The following NSMAF variants were observed in gnomAD, a reference collection of about 807,000 sequenced individuals.
NSMAF encodes protein FAN.
A neutral mutation model predicts 134.9 loss-of-function variants in NSMAF; 90 were observed. That is an observed-to-expected ratio of 0.67 (90% CI 0.56 to 0.79). The LOEUF (loss-of-function observed/expected upper bound fraction) is 0.79. Among genes scored for constraint, NSMAF ranks in the 30% least tolerant of loss-of-function variants. NSMAF has a pLI of 0.00. For missense variants in NSMAF, 1,010 were observed against 1,119.0 expected, an observed-to-expected ratio of 0.90 and a Z score of 1.39; for synonymous variants, 358 against 389.6, an observed-to-expected ratio of 0.92 and a Z score of 0.96.
At chr8:58,590,832 G>A (rs768079474) in intron 24 of NSMAF, 35 bp downstream of exon 24, 23 of 1,528,078 alleles carry the variant, frequency 1.5e-5, no homozygotes, top group South Asian at 1.0e-4. Flanking sequence ...ACTACTACAC[G>A]GATTTCTATC....
At chr8:58,649,300 T>C (rs1029966606) in intron 1 of NSMAF, among the ~76,000 whole-genome samples, 4 of 152,236 alleles carry the variant, frequency 2.6e-5, no homozygotes, top group Non-Finnish European at 5.9e-5. Context: ...ACCCAATGCC[T>C]GTACCACCAT....
At chr8:58,599,671 T>G in intron 18 of NSMAF, 79 bp downstream of exon 18, 1 of 1,478,420 alleles carries the variant, frequency 6.8e-7, no homozygotes, top group Non-Finnish European at 9.2e-7. Flanking sequence ...TTTAAAAATC[T>G]AAGCAATAAA....
At chr8:58,659,450 T>TCCGGCCCCTGCCTCCGTG in intron 1 of NSMAF, 123 bp downstream of exon 1, 1 of 1,484,206 alleles carries the variant, frequency 6.7e-7, no homozygotes, top group Non-Finnish European at 8.9e-7. Flanking sequence ...TGGACACGCG[T>TCCGGCCCCTGCCTCCGTG]CCGGCCCCTG....
At chr8:58,639,741 G>T (rs1221260707) in intron 2 of NSMAF, among the ~76,000 whole-genome samples, 2 of 151,834 alleles carry the variant, frequency 1.3e-5, no homozygotes, top group African/African-American at 4.8e-5. Context: ...AAGAAAATAT[G>T]ATATATATAT....
At chr8:58,604,653 GTACTT>G (rs1404067680) in intron 12 of NSMAF, among the ~76,000 whole-genome samples, 5 of 151,832 alleles carry the variant, frequency 3.3e-5, no homozygotes, top group African/African-American at 1.2e-4. Context: ...AAGGGAAGAT[GTACTT>G]TACTACAAAT....
chr8:58,602,192 C>A, intron 13 of NSMAF, 55 bp from the exon 14 acceptor site: 1 of 1,365,188 alleles, frequency 7.3e-7, no homozygotes, highest in Non-Finnish European at 1.0e-6. Flanking sequence ...CATTAACCTC[C>A]TGAATTAATT....
chr8:58,617,989 G>T (rs1806701225), intron 9 of NSMAF, among the ~76,000 whole-genome samples: 1 of 152,086 alleles, frequency 6.6e-6, no homozygotes, highest in Non-Finnish European at 1.5e-5. Context: ...CCATAAAAAG[G>T]GATGAGTTCA....
Position 58,624,893 on chromosome 8 carries a change from T to C in NSMAF, c.385-1113A>G, listed in dbSNP as rs138006293. ...TGCTATCTATTTCTCCCTTCAGTTC[T>C]ATCAATGTTCGCTTCATATATTTAG... On this transcript the variant is annotated intron_variant, in intron 6 of 30. Transcript: ENST00000038176. 1.9e-3 allele frequency among the ~76,000 whole-genome samples: 294 copies of C among 152,368 alleles called. 1 individual carries two copies. Among genetic ancestry groups the C allele is most frequent in the African/African-American group, 6.9e-3 (287 of 41,588 alleles).
At chr8:58,639,730 A>G (rs927997820) in intron 2 of NSMAF, among the ~76,000 whole-genome samples, 11 of 152,202 alleles carry the variant, frequency 7.2e-5, no homozygotes, top group African/African-American at 2.2e-4. Flanking sequence ...ATTAATGAAT[A>G]AAGAAAATAT....
chr8:58,606,052 A>AAAATAATAAAGT lies in NSMAF; in HGVS notation c.760-18_760-17insACTTTATTATTT. ...TTCCAAGCCCTATAAATTCAAAAAGAAAATAATAAAATAAATAGCATTGTA... is the reference window on the plus strand; with the variant it reads ...TTCCAAGCCCTATAAATTCAAAAAGAAAATAATAAAGTAAATAATAAAATAAATAGCATTGTA... On this transcript the variant is annotated splice_polypyrimidine_tract_variant and intron_variant, in intron 11 of 30. Transcript: ENST00000038176. The AAAATAATAAAGT allele has an allele frequency of 6.7e-7, 1 of 1,485,236 alleles. No homozygotes were observed. 92.0% of individuals were successfully genotyped at this position (1,485,236 alleles called of 1,614,324 possible). A position where few individuals can be genotyped will look rare whatever the true frequency, so the allele number is the denominator to read the frequency against.
rs147897385 is a variant in NSMAF, at chr8:58,617,647, A to G, written c.557+5573T>C. Among the ~76,000 whole-genome samples, 797 of 152,240 alleles carry G rather than the reference A, an allele frequency of 5.2e-3. 9 individuals are homozygous for G. The highest frequency in any genetic ancestry group is 0.018 in the African/African-American group (750 of 41,564). ...TGCCAGTTAGAATGGCAATCATTAA[A>G]AAGTCAGGAAACAACAGATACTGGA... On this transcript the variant is annotated intron_variant, in intron 9 of 30. Transcript: ENST00000038176.
intron 5 of NSMAF, among the ~76,000 whole-genome samples, chr8:58,632,113 C>T (rs1807068020): frequency 6.6e-6 from 1 of 152,134 alleles, no homozygotes; most frequent in Non-Finnish European, 1.5e-5. Flanking sequence ...CCTGAGCTCT[C>T]AAAGTCCAGC....
chr8:58,623,309 TA>T (rs1806834348), intron 8 of NSMAF, 37 bp from the exon 9 acceptor site: 1 of 1,336,122 alleles, frequency 7.5e-7, no homozygotes, highest in Non-Finnish European at 1.0e-6. Context: ...TATTTATAAG[TA>T]TTTATAAGTA....
chr8:58,586,358 T>C, intron 28 of NSMAF, 100 bp downstream of exon 28: 1 of 1,227,640 alleles, frequency 8.1e-7, no homozygotes, highest in African/African-American at 1.6e-5. Flanking sequence ...ATAGTGTTTT[T>C]CTTTGTAAGT....
At position 58,588,700 on chromosome 8, in the gene NSMAF, C is replaced by T. The variant is rs199910505; in HGVS notation, c.2211+752G>A. ...CATGCATCGGGCACAGTTAGTGCAG[C>T]GAATAGGCTGCACGTGGCCGCGGCC... On this transcript the variant is annotated intron_variant, in intron 26 of 30. Coordinates refer to ENST00000038176, the MANE Select transcript of NSMAF (RefSeq NM_003580.4). The T allele has an allele frequency of 6.0e-4, 924 of 1,544,190 alleles. 6 individuals carry two copies. The African/African-American group carries it at 8.4e-3, about 14-fold the overall frequency.
At chr8:58,641,823 C>T (rs963091477) in intron 2 of NSMAF, among the ~76,000 whole-genome samples, 39 of 152,190 alleles carry the variant, frequency 2.6e-4, no homozygotes, top group African/African-American at 9.2e-4. Context: ...ACCAAATACA[C>T]CTACATGGGG....
chr8:58,659,075 G>T, intron 1 of NSMAF: 1 of 752,814 alleles, frequency 1.3e-6, no homozygotes, highest in Non-Finnish European at 2.0e-6. Context: ...AATGCGAGTG[G>T]GTGGTCGCCG....
intron 1 of NSMAF, among the ~76,000 whole-genome samples, chr8:58,650,254 A>G (rs1807553533): frequency 6.6e-6 from 1 of 152,186 alleles, no homozygotes; most frequent in African/African-American, 2.4e-5. Context: ...TCCTAGTTCC[A>G]AGGGCAACTT....
chr8:58,640,640 T>C (rs1290545558), intron 2 of NSMAF, among the ~76,000 whole-genome samples: 2 of 152,212 alleles, frequency 1.3e-5, no homozygotes, highest in Non-Finnish European at 1.5e-5. Flanking sequence ...CAAATTATTA[T>C]ATTGTAAAGT....
Sources: allele counts gnomAD v4.1 joint callset (sites outside exome capture counted in the v4.1 genomes callset), GRCh38; gene constraint gnomAD v4.1.1; transcripts MANE v1.5; gene names NCBI Gene and HGNC (gene_info 2026-07-23, HGNC 2026-07-21).